The following NID1 variants were observed in gnomAD, a reference collection of about 807,000 sequenced individuals.
NID1 encodes the protein nidogen 1.
Under a neutral mutation model 130.6 loss-of-function variants are expected in NID1, and 76 were observed. The observed-to-expected ratio is 0.58, with a 90% confidence interval of 0.48 to 0.70. The LOEUF (loss-of-function observed/expected upper bound fraction) is 0.70. NID1 is among the 30% of genes least tolerant of loss of function. The pLI, the probability that NID1 is intolerant of heterozygous loss-of-function variation, is 0.00. For missense variants in NID1, 1,517 were observed against 1,664.8 expected (o/e 0.91, Z 1.54); for synonymous variants, 665 against 675.1 (o/e 0.98, Z 0.23).
chr1:236,032,495 T>G lies in NID1; in HGVS notation c.1443A>C (p.Gly481=). Residue 481 remains glycine, a synonymous_variant, in exon 6 of 20, where the codon GGA becomes GGC. Coordinates refer to ENST00000264187, the MANE Select transcript of NID1 (RefSeq NM_002508.3). ...CTGGGGCCAGTGGAAGCAGAGAATATCCAACGGTCTCGGGAATGGTGCTGA... is the reference window on the plus strand; with the variant it reads ...CTGGGGCCAGTGGAAGCAGAGAATAGCCAACGGTCTCGGGAATGGTGCTGA... ...TAISTIPETV[G]YSLLPLAPVG... 1 of 1,614,160 alleles carries G rather than the reference T, an allele frequency of 6.2e-7. No individual in the cohort carries two copies.
At position 236,025,896 on chromosome 1, in the gene NID1, C is replaced by A; in HGVS notation, c.1984G>T (p.Glu662Ter). Residue 662 changes from glutamate (E) to a stop codon, truncating the protein, a stop_gained and splice_region_variant, in exon 8 of 20, where the codon GAA becomes TAA. Transcript: ENST00000264187. LOFTEE classifies it high-confidence loss of function. ...ALSNSIGPVR[E>*]GSPDALQNPC... Reference sequence around the variant, plus strand: ...CCCAGCATGAGCTGTATCCCCTTACCCCTCACAGGCCCAATGGAGTTGCTG... The same window carrying A: ...CCCAGCATGAGCTGTATCCCCTTACACCTCACAGGCCCAATGGAGTTGCTG... 6.2e-7 allele frequency: 1 copy of A among 1,613,766 alleles called. No homozygotes were observed. Among genetic ancestry groups the A allele is most frequent in the Non-Finnish European group, 8.5e-7 (1 of 1,179,864 alleles).
At chr1:236,056,609 C>A (rs1430798973) in intron 1 of NID1, among the ~76,000 whole-genome samples, 1 of 152,092 alleles carries the variant, frequency 6.6e-6, no homozygotes, top group Admixed American at 6.5e-5. Flanking sequence ...ATGTTTGTAC[C>A]CATTAACCAA....
intron 10 of NID1, 129 bp downstream of exon 10, chr1:236,017,019 C>G: frequency 1.7e-6 from 2 of 1,195,210 alleles, no homozygotes; most frequent in South Asian, 1.3e-5. Flanking sequence ...TCTGATTCAT[C>G]TTTATAAATT....
In NID1 at chr1:236,013,092, T is replaced by C. The variant is rs1002483387; in HGVS notation, c.2404+319A>G. On this transcript the variant is annotated intron_variant, in intron 11 of 19. Transcript: ENST00000264187. ...GGATAGACTTTAATCTCCATGCATG[T>C]CCTCCATGTAAAAGGACAGTTTGTC... 2.6e-5 allele frequency among the ~76,000 whole-genome samples: 4 copies of C among 152,154 alleles called. No homozygotes were observed. The East Asian group carries it at 7.7e-4, about 29-fold the overall frequency.
rs148576957 is a variant in NID1 at position 236,038,143 on chromosome 1, C to T, written c.1246G>A (p.Ala416Thr). The change falls in exon 5 of 20, where the codon GCT (alanine) becomes ACT (threonine). Residue 416 changes from alanine to threonine, a missense_variant. This residue lies in a region of NID1 where 1,329 missense variants were observed against 1,429.2 expected (regional missense o/e 0.93). Transcript: ENST00000264187. ...YATGFCCSCVAGYTGNGRQCV... is the reference protein window; with the variant it reads ...YATGFCCSCVTGYTGNGRQCV... ...TGCCTGCCATTGCCCGTATAGCCAG[C>T]GACACAGCTGCAGCAGAAGCCCGTG... 8.7e-6 allele frequency: 14 copies of T among 1,608,676 alleles called. No homozygotes were observed. The East Asian group carries it at 8.9e-5, about 10-fold the overall frequency.
intron 1 of NID1, 186 bp downstream of exon 1, chr1:236,064,669 C>T (rs1350613633): frequency 3.1e-6 from 2 of 639,670 alleles, no homozygotes; most frequent in Non-Finnish European, 5.6e-6. Flanking sequence ...CTTCGGATAG[C>T]AGGGACCGGG....
At chr1:236,031,698 C>T (rs2102831170) in intron 6 of NID1, among the ~76,000 whole-genome samples, 1 of 152,282 alleles carries the variant, frequency 6.6e-6, no homozygotes, top group East Asian at 1.9e-4. Flanking sequence ...ACACAGACTC[C>T]TCCAACCCAG....
In NID1 at chr1:236,013,439, G is replaced by A; in HGVS notation, c.2376C>T (p.Gly792=). The A allele has an allele frequency of 1.2e-6, 2 of 1,614,052 alleles. No homozygotes were observed. Among genetic ancestry groups the A allele is most frequent in the Non-Finnish European group, 1.7e-6 (2 of 1,180,016 alleles). ...GGCAGGCTTGGCCATCCCCAGAAAA[G>A]CCTGGCAAGCAGGAACAGGTGTAGG... is the stretch of plus-strand genomic sequence containing the variant. ...GSSYTCSCLP[G]FSGDGQACQD... is the part of the protein sequence containing the mutation. Residue 792 remains glycine, a synonymous_variant, in exon 11 of 20, where the codon GGC becomes GGT. Coordinates refer to ENST00000264187, the MANE Select transcript of NID1 (RefSeq NM_002508.3).
intron 8 of NID1, among the ~76,000 whole-genome samples, chr1:236,025,433 T>A (rs948145757): frequency 1.3e-5 from 2 of 151,950 alleles, no homozygotes; most frequent in Non-Finnish European, 2.9e-5. Context: ...GGCTAATTTT[T>A]GTATTTTTAG....
intron 9 of NID1, among the ~76,000 whole-genome samples, chr1:236,023,251 A>G (rs1053800422): frequency 3.3e-5 from 5 of 151,946 alleles, no homozygotes; most frequent in Non-Finnish European, 7.4e-5. Flanking sequence ...ACAAAATGTG[A>G]TATGTACATG....
chr1:236,056,912 G>A (rs1223664267), intron 1 of NID1, among the ~76,000 whole-genome samples: 1 of 151,802 alleles, frequency 6.6e-6, no homozygotes, highest in Non-Finnish European at 1.5e-5. Context: ...ACAAAAACAT[G>A]AAGCGTAAGT....
chr1:236,032,573 G>A lies in NID1; in HGVS notation c.1365C>T (p.Asn455=). 1 of 1,614,128 alleles carries A rather than the reference G, an allele frequency of 6.2e-7. No individual in the cohort carries two copies. The highest frequency in any genetic ancestry group is 2.2e-5 in the East Asian group (1 of 44,880). Residue 455 remains asparagine (N), a synonymous_variant, in exon 6 of 20, where the codon AAC becomes AAT. Transcript: ENST00000264187. ...TTACTACGTAAGAGTGGAGGTCAGT[G>A]TTCTCAAAGACAATGGGGACCTGGC... is the stretch of plus-strand genomic sequence containing the variant. ...GSSQVPIVFE[N]TDLHSYVVMN...
intron 17 of NID1, among the ~76,000 whole-genome samples, chr1:235,980,233 C>G (rs1657397792): frequency 6.6e-6 from 1 of 152,246 alleles, no homozygotes; most frequent in East Asian, 1.9e-4. Flanking sequence ...ACGAGGGTGG[C>G]CAACTTTTTC....
At chr1:236,045,403 T>A in intron 3 of NID1, 54 bp downstream of exon 3, 1 of 1,281,906 alleles carries the variant, frequency 7.8e-7, no homozygotes, top group Non-Finnish European at 1.1e-6. Flanking sequence ...CATTACATTA[T>A]CCACATTAAA....
intron 1 of NID1, among the ~76,000 whole-genome samples, chr1:236,059,700 G>A (rs1209627582): frequency 3.3e-5 from 5 of 152,182 alleles, no homozygotes; most frequent in Non-Finnish European, 5.9e-5. Flanking sequence ...AGGATTACTG[G>A]AAAGGGGTCC....
rs1429070916 is a variant in NID1, at chr1:236,042,304, G to A, written c.753-12C>T. The A allele has an allele frequency of 3.8e-6, 6 of 1,594,428 alleles. No homozygotes were observed. The African/African-American group carries it at 6.7e-5, about 18-fold the overall frequency. The stretch of plus-strand genomic sequence containing the variant: ...CAGAGTTACTACTCCTAGGAGGAAG[G>A]ACAGGCTTCTTAGAAACAGGCCAGC... On this transcript the variant is annotated splice_polypyrimidine_tract_variant and intron_variant, in intron 3 of 19. Transcript: ENST00000264187.
At chr1:236,042,773 AT>A (rs1478290357) in intron 3 of NID1, among the ~76,000 whole-genome samples, 3 of 148,626 alleles carry the variant, frequency 2.0e-5, no homozygotes, top group Non-Finnish European at 3.0e-5. Context: ...AGCCTTTGGA[AT>A]TTCTGAAGTG....
intron 13 of NID1, among the ~76,000 whole-genome samples, chr1:235,992,506 C>T (rs1380314220): frequency 4.6e-5 from 7 of 152,222 alleles, no homozygotes; most frequent in East Asian, 1.9e-4. Flanking sequence ...GGCTTAGAAA[C>T]GTGGCTCACA....
chr1:236,042,922 G>C (rs1659496702), intron 3 of NID1, among the ~76,000 whole-genome samples: 1 of 152,234 alleles, frequency 6.6e-6, no homozygotes, highest in South Asian at 2.1e-4. Context: ...ACTGCCTCCA[G>C]GGAGGGGAGA....
Sources: gnomAD v4.1 joint callset for allele counts (sites outside exome capture counted in the v4.1 genomes callset) on GRCh38, gnomAD v4.1.1 for gene constraint, gnomAD v4.1.1 regional missense constraint, MANE v1.5 for transcripts, NCBI Gene and HGNC (gene_info 2026-07-23, HGNC 2026-07-21) for gene names.